RGS7: variants seen among roughly 807,000 people sequenced by gnomAD.
RGS7 encodes regulator of G-protein signaling 7.
RGS7 carries 27 observed loss-of-function variants against 81.1 expected under a neutral mutation model. The ratio of observed to expected loss-of-function variants is 0.33; its 90% CI spans 0.25 to 0.46. The LOEUF (loss-of-function observed/expected upper bound fraction) is 0.46. RGS7 is among the 20% of genes least tolerant of loss of function. The pLI is 1.00. For missense variants in RGS7, 396 were observed against 607.4 expected, an observed-to-expected ratio of 0.65 and a Z score of 3.66; for synonymous variants, 208 against 207.7, an observed-to-expected ratio of 1.00 and a Z score of -0.01.
intron 3 of RGS7, among the ~76,000 whole-genome samples, chr1:241,088,037 T>C (rs1160947944): frequency 3.3e-5 from 3 of 91,190 alleles, no homozygotes; most frequent in South Asian, 2.7e-4. Flanking sequence ...CATATATATA[T>C]ACACACATAT....
At chr1:240,834,240 T>C (rs373562804) in intron 9 of RGS7, among the ~76,000 whole-genome samples, 1 of 152,186 alleles carries the variant, frequency 6.6e-6, no homozygotes, top group African/African-American at 2.4e-5. Flanking sequence ...TTTGAGGAAA[T>C]TGCTCCAAAT....
chr1:241,301,544 TGTAA>T (rs1223415255), intron 2 of RGS7, among the ~76,000 whole-genome samples: 1 of 152,194 alleles, frequency 6.6e-6, no homozygotes, highest in Non-Finnish European at 1.5e-5. Context: ...TGTTAAGTTG[TGTAA>T]GTGTTTGCTG....
At chr1:241,077,013 C>T (rs1015813117) in intron 3 of RGS7, among the ~76,000 whole-genome samples, 3 of 152,172 alleles carry the variant, frequency 2.0e-5, no homozygotes, top group Non-Finnish European at 2.9e-5. Flanking sequence ...CTTATAACTT[C>T]GCTTTTCTGC....
At chr1:241,317,304 A>C (rs1171906849) in intron 2 of RGS7, among the ~76,000 whole-genome samples, 2 of 152,238 alleles carry the variant, frequency 1.3e-5, no homozygotes, top group African/African-American at 4.8e-5. Context: ...ATAATTGAAT[A>C]GTTAATATAT....
intron 2 of RGS7, among the ~76,000 whole-genome samples, chr1:241,102,775 A>C (rs1432127571): frequency 8.5e-5 from 13 of 152,140 alleles, no homozygotes. Context: ...ACTTGTCCTC[A>C]AGCTGGCTCA....
rs182714821 is a variant in RGS7 at position 240,895,411 on chromosome 1, T to C, written c.386-25292A>G. 2.6e-5 allele frequency among the ~76,000 whole-genome samples: 4 copies of C among 151,896 alleles called. No individual in the cohort carries two copies. In the East Asian group the frequency reaches 7.7e-4, roughly 29 times the overall value. ...CCATTAACGTGTCATTTACATTAGGTATATCTCCTAATGCTATCCCTCCCC... is the reference window on the plus strand; with the variant it reads ...CCATTAACGTGTCATTTACATTAGGCATATCTCCTAATGCTATCCCTCCCC... On this transcript the variant is annotated intron_variant, in intron 6 of 18. Coordinates refer to ENST00000440928, the MANE Select transcript of RGS7 (RefSeq NM_001364886.1).
intron 4 of RGS7, among the ~76,000 whole-genome samples, chr1:240,958,651 C>T (rs1188144733): frequency 5.9e-5 from 9 of 152,188 alleles, no homozygotes; most frequent in Admixed American, 5.9e-4. Flanking sequence ...ATTATGTATA[C>T]GAGTTCTTCC....
chr1:241,160,915 G>C (rs1051320634), intron 2 of RGS7, among the ~76,000 whole-genome samples: 1 of 152,044 alleles, frequency 6.6e-6, no homozygotes, highest in African/African-American at 2.4e-5. Flanking sequence ...GCATTTTACT[G>C]GTGTGAAATC....
At chr1:240,824,616 G>C (rs1692458509) in intron 10 of RGS7, among the ~76,000 whole-genome samples, 1 of 152,196 alleles carries the variant, frequency 6.6e-6, no homozygotes, top group African/African-American at 2.4e-5. Flanking sequence ...TGCTGTCAAG[G>C]TATTCACTGA....
intron 6 of RGS7, among the ~76,000 whole-genome samples, chr1:240,930,221 G>GATTTT (rs1675172421): frequency 8.7e-6 from 1 of 114,352 alleles, no homozygotes; most frequent in African/African-American, 3.7e-5. Flanking sequence ...TTCTTTTTTA[G>GATTTT]CTTTTTTTTT....
At chr1:241,343,115 A>G (rs2082667122) in intron 2 of RGS7, among the ~76,000 whole-genome samples, 1 of 152,106 alleles carries the variant, frequency 6.6e-6, no homozygotes, top group African/African-American at 2.4e-5. Flanking sequence ...ACAAAAAATT[A>G]GTCAGGCATG....
At chr1:240,800,794 CA>C in intron 17 of RGS7, 73 bp from the exon 18 acceptor site, 1 of 784,688 alleles carries the variant, frequency 1.3e-6, no homozygotes, top group East Asian at 2.8e-5. Context: ...GGCACTGGCA[CA>C]ATACAAAAAA....
At chr1:240,919,829 C>T (rs989501907) in intron 6 of RGS7, 30 of 768,318 alleles carry the variant, frequency 3.9e-5, no homozygotes, top group Non-Finnish European at 6.1e-5. Context: ...TTGGGTTTGT[C>T]ACATAGGCCA....
intron 4 of RGS7, among the ~76,000 whole-genome samples, chr1:240,945,035 C>T (rs553243961): frequency 2.0e-5 from 3 of 152,322 alleles, no homozygotes; most frequent in East Asian, 3.9e-4. Flanking sequence ...TTAGAGCTGG[C>T]ATCTGTAAAT....
intron 18 of RGS7, among the ~76,000 whole-genome samples, chr1:240,795,472 A>G (rs1686889283): frequency 1.3e-5 from 2 of 152,240 alleles, no homozygotes; most frequent in Non-Finnish European, 2.9e-5. Flanking sequence ...CTCTTGCATG[A>G]AGGAAAAAAT....
chr1:241,285,102 C>T (rs2078737868), intron 2 of RGS7, among the ~76,000 whole-genome samples: 1 of 152,110 alleles, frequency 6.6e-6, no homozygotes, highest in African/African-American at 2.4e-5. Flanking sequence ...GATCTCCTGA[C>T]TTCGTGATCC....
intron 1 of RGS7, among the ~76,000 whole-genome samples, chr1:241,356,268 T>G (rs545330952): frequency 6.6e-6 from 1 of 152,186 alleles, no homozygotes; most frequent in African/African-American, 2.4e-5. Context: ...CCTAGGTATC[T>G]GTCTAGTGTC....
intron 2 of RGS7, among the ~76,000 whole-genome samples, chr1:241,282,219 T>C (rs1156521527): frequency 7.2e-5 from 11 of 152,244 alleles, no homozygotes; most frequent in Non-Finnish European, 1.6e-4. Context: ...ACACCATGTT[T>C]AGCTCCCACT....
In RGS7 at chr1:240,808,878, TAA is replaced by T. The variant is rs5782161; in HGVS notation, c.1083-2554_1083-2553del. Among the ~76,000 whole-genome samples the T allele has an allele frequency of 3.8e-3, 555 of 145,710 alleles. 3 individuals are homozygous for T. The highest frequency in any genetic ancestry group is 3.6e-3 in the African/African-American group (142 of 39,296). ...TGTCAGAGAAAGATCCCATCTCTCT[TAA>T]AAAAAAAAAAAAATCCTATATCCTT... On this transcript the variant is annotated intron_variant, in intron 14 of 18. Coordinates refer to ENST00000440928, the MANE Select transcript of RGS7 (RefSeq NM_001364886.1).
Sources: gnomAD v4.1 joint callset for allele counts (sites outside exome capture counted in the v4.1 genomes callset) on GRCh38, gnomAD v4.1.1 for gene constraint, MANE v1.5 for transcripts, NCBI Gene and HGNC (gene_info 2026-07-23, HGNC 2026-07-21) for gene names.